The following POC1B variants were observed in gnomAD, a reference collection of about 807,000 sequenced individuals.
POC1B encodes POC1 centriolar protein B.
Under a neutral mutation model 60.6 loss-of-function variants are expected in POC1B, and 44 were observed. The ratio of observed to expected loss-of-function variants is 0.73; its 90% CI spans 0.57 to 0.93. POC1B has a LOEUF of 0.93. Among genes scored for constraint, POC1B ranks in the 40% least tolerant of loss-of-function variants. The pLI is 0.00. For missense variants in POC1B, 555 were observed against 572.3 expected (o/e 0.97, Z 0.31); for synonymous variants, 180 against 198.9 (o/e 0.90, Z 0.80).
intron 4 of POC1B, among the ~76,000 whole-genome samples, chr12:89,477,153 T>C (rs1053687521): frequency 2.0e-5 from 3 of 152,178 alleles, no homozygotes; most frequent in Non-Finnish European, 4.4e-5. Flanking sequence ...CTCTAAAAAT[T>C]TGGCAGTCTC....
the POC1B span, among the ~76,000 whole-genome samples, chr12:89,404,823 CT>C: frequency 6.6e-6 from 1 of 152,178 alleles, no homozygotes; most frequent in African/African-American, 2.4e-5. Context: ...ACTAATAGTT[CT>C]TACCTTCTCT....
chr12:89,409,435 A>ATGTGTGGTAGTATCTC, the POC1B span, among the ~76,000 whole-genome samples: 1 of 152,136 alleles, frequency 6.6e-6, no homozygotes. Context: ...ATGGTTGTAG[A>ATGTGTGGTAGTATCTC]TGCGTGGTGT....
Position 89,479,081 on chromosome 12 carries a change from A to C in POC1B, c.453-6806T>G, listed in dbSNP as rs539800626. The stretch of plus-strand genomic sequence containing the variant: ...TCATCATATGTTTAAAAGTTGAGAA[A>C]TACAGAAAATTTTAAAAGTCCAGAT... On this transcript the variant is annotated intron_variant, in intron 4 of 11. Coordinates refer to ENST00000313546, the MANE Select transcript of POC1B (RefSeq NM_172240.3). Among the ~76,000 whole-genome samples the C allele has an allele frequency of 4.6e-5, 7 of 152,352 alleles. No homozygotes were observed. The East Asian group carries it at 1.3e-3, about 29-fold the overall frequency.
rs377152774 is a variant in POC1B, at chr12:89,522,928, T to G, written c.100+2192A>C. 11 of 1,613,944 alleles carry G rather than the reference T, an allele frequency of 6.8e-6. No individual in the cohort carries two copies. The African/African-American group carries it at 1.3e-4, about 20-fold the overall frequency. ...ACTAAGACACAGTCCTGAGTGTGGG[T>G]GAAAAATAGTTCCATCTTCTTTAAA... is the stretch of plus-strand genomic sequence containing the variant. On this transcript the variant is annotated intron_variant, in intron 2 of 11. Transcript: ENST00000313546.
intron 10 of POC1B, among the ~76,000 whole-genome samples, chr12:89,430,098 G>C (rs1880965828): frequency 6.6e-6 from 1 of 152,164 alleles, no homozygotes; most frequent in Non-Finnish European, 1.5e-5. Context: ...CCATCTTGAA[G>C]ATGGGAAATG....
At chr12:89,437,722 A>G (rs1881329772) in intron 10 of POC1B, among the ~76,000 whole-genome samples, 1 of 151,414 alleles carries the variant, frequency 6.6e-6, no homozygotes, top group Non-Finnish European at 1.5e-5. Flanking sequence ...TGCTTGGTAT[A>G]TAACAGGTAC....
rs750884875 is a variant in POC1B at position 89,525,861 on chromosome 12, C to A, written c.15+20G>T. 5.3e-5 allele frequency: 76 copies of A among 1,424,494 alleles called. No individual in the cohort carries two copies. Among genetic ancestry groups the A allele is most frequent in the Non-Finnish European group, 6.0e-5 (65 of 1,083,804 alleles). The allele number at this position is 1,424,494 out of a possible 1,614,324, so 88.2% of individuals were successfully genotyped here. On this transcript the variant is annotated intron_variant, in intron 1 of 11. Transcript: ENST00000313546. ...ACAGGCTCCAGGGAGGGACCCCCCC[C>A]ACCTCCAACCCGTCCTTACCGTGGC...
rs112558166 is a variant in POC1B, at chr12:89,480,666, C to T, written c.453-8391G>A. Among the ~76,000 whole-genome samples, 981 of 138,330 alleles carry T rather than the reference C, an allele frequency of 7.1e-3. 10 individuals carry two copies. The highest frequency in any genetic ancestry group is 0.026 in the African/African-American group (946 of 37,068). The allele number at this position is 138,330 out of a possible 152,430, so 90.7% of individuals were successfully genotyped here. On this transcript the variant is annotated intron_variant, in intron 4 of 11. Coordinates refer to ENST00000313546, the MANE Select transcript of POC1B (RefSeq NM_172240.3). ...CCAGGCTGGAGTGCAGTGGCAAGAT[C>T]TCGGCTCACTGCAGGCTCCGCCCCC...
chr12:89,447,971 T>C (rs559871844), intron 10 of POC1B, among the ~76,000 whole-genome samples: 8 of 151,994 alleles, frequency 5.3e-5, no homozygotes, highest in South Asian at 2.1e-4. Flanking sequence ...AGATAACGCA[T>C]GACCTGAGGA....
intron 10 of POC1B, among the ~76,000 whole-genome samples, chr12:89,437,081 A>C (rs990348454): frequency 1.3e-5 from 2 of 152,132 alleles, no homozygotes; most frequent in Non-Finnish European, 2.9e-5. Flanking sequence ...ATACCTCATG[A>C]GCCAGTCTCC....
chr12:89,493,680 A>C (rs1869099897), intron 3 of POC1B, among the ~76,000 whole-genome samples: 1 of 152,216 alleles, frequency 6.6e-6, no homozygotes, highest in Non-Finnish European at 1.5e-5. Context: ...ATCTGCAATG[A>C]CCAGGAAGCT....
At chr12:89,444,606 C>T (rs1402106762) in intron 10 of POC1B, among the ~76,000 whole-genome samples, 1 of 152,168 alleles carries the variant, frequency 6.6e-6, no homozygotes, top group East Asian at 1.9e-4. Flanking sequence ...GGACATATCT[C>T]AAAATAATAA....
intron 10 of POC1B, among the ~76,000 whole-genome samples, chr12:89,445,726 G>A (rs1185247787): frequency 6.6e-6 from 1 of 152,116 alleles, no homozygotes; most frequent in Non-Finnish European, 1.5e-5. Flanking sequence ...AACACCAAAA[G>A]CAATGGCAAC....
At chr12:89,523,640 T>C (rs1237259443) in intron 2 of POC1B, 2 of 1,540,468 alleles carry the variant, frequency 1.3e-6, no homozygotes, top group Non-Finnish European at 1.7e-6. Context: ...GGTGATCTGA[T>C]GGGGTCAATT....
At chr12:89,510,851 G>C (rs1345259399) in intron 2 of POC1B, among the ~76,000 whole-genome samples, 1 of 149,028 alleles carries the variant, frequency 6.7e-6, no homozygotes, top group Non-Finnish European at 1.5e-5. Flanking sequence ...TCTGCCTCCT[G>C]GGTTCAAGCA....
intron 2 of POC1B, chr12:89,524,783 C>T: frequency 1.6e-6 from 1 of 626,922 alleles, no homozygotes; most frequent in Non-Finnish European, 2.8e-6. Flanking sequence ...CGGCTCACAA[C>T]TTTTCACAAA....
chr12:89,481,096 A>C (rs1868353792), intron 4 of POC1B, among the ~76,000 whole-genome samples: 1 of 147,612 alleles, frequency 6.8e-6, no homozygotes, highest in African/African-American at 2.5e-5. Context: ...CTGGTCTCAA[A>C]CTCCTGGCCT....
chr12:89,502,930 G>C (rs1177518366), intron 2 of POC1B, among the ~76,000 whole-genome samples: 1 of 152,104 alleles, frequency 6.6e-6, no homozygotes, highest in African/African-American at 2.4e-5. Flanking sequence ...TTTTTACTCA[G>C]ATAAAAAGAT....
chr12:89,466,754 T>G lies in POC1B; in HGVS notation c.1032+16A>C. The G allele has an allele frequency of 1.3e-6, 2 of 1,596,594 alleles. No individual in the cohort carries two copies. Among genetic ancestry groups the G allele is most frequent in the South Asian group, 1.1e-5 (1 of 88,206 alleles). On this transcript the variant is annotated intron_variant, in intron 9 of 11. Coordinates refer to ENST00000313546, the MANE Select transcript of POC1B (RefSeq NM_172240.3). ...ATGTACACAAAATGTAGGACAAATATGAACAAAATACTCACTTCTACAGTC... is the reference window on the plus strand; with the variant it reads ...ATGTACACAAAATGTAGGACAAATAGGAACAAAATACTCACTTCTACAGTC...
Sources: gnomAD v4.1 joint callset for allele counts (sites outside exome capture counted in the v4.1 genomes callset) on GRCh38, gnomAD v4.1.1 for gene constraint, MANE v1.5 for transcripts, NCBI Gene and HGNC (gene_info 2026-07-23, HGNC 2026-07-21) for gene names.